The following HHLA1 variants were observed in gnomAD, a reference collection of about 807,000 sequenced individuals.
The protein encoded by HHLA1 is HHLA1 neighbor of OC90.
Under a neutral mutation model 69.9 loss-of-function variants are expected in HHLA1, and 72 were observed. The ratio of observed to expected loss-of-function variants is 1.03; its 90% CI spans 0.85 to 1.25. The LOEUF is 1.25. Among genes scored for constraint, HHLA1 ranks in the 50% most tolerant of loss-of-function variants. The pLI, the probability that HHLA1 is intolerant of heterozygous loss-of-function variation, is 0.00. For synonymous variants in HHLA1, 252 were observed against 233.2 expected (o/e 1.08, Z -0.73); for missense variants, 685 against 642.2 (o/e 1.07, Z -0.72).
rs866216853 is a variant in HHLA1 at position 132,087,595 on chromosome 8, C to T, written c.676+58G>A. The T allele has an allele frequency of 4.5e-6, 5 of 1,101,358 alleles. No individual in the cohort carries two copies. The African/African-American group carries it at 4.7e-5, about 10-fold the overall frequency. The allele number at this position is 1,101,358 out of a possible 1,614,324, so 68.2% of individuals were successfully genotyped here. A position where few individuals can be genotyped will look rare whatever the true frequency, so the allele number is the denominator to read the frequency against. Reference sequence around the variant, plus strand: ...AGGGCAGCTTTCAGTCATTAGTGTGCCAGGTGGGACCCTGGTCTGGAGAGT... The same window carrying T: ...AGGGCAGCTTTCAGTCATTAGTGTGTCAGGTGGGACCCTGGTCTGGAGAGT... On this transcript the variant is annotated intron_variant, in intron 10 of 16. Coordinates refer to ENST00000414222, the MANE Select transcript of HHLA1 (RefSeq NM_001145095.3).
intron 4 of HHLA1, among the ~76,000 whole-genome samples, chr8:132,099,391 ATTTTT>A (rs1282733836): frequency 6.6e-6 from 1 of 152,170 alleles, no homozygotes; most frequent in African/African-American, 2.4e-5. Flanking sequence ...GGAAATATAC[ATTTTT>A]TTAATTACAC....
At chr8:132,085,915 T>C (rs1380767310) in intron 10 of HHLA1, among the ~76,000 whole-genome samples, 7 of 151,956 alleles carry the variant, frequency 4.6e-5, no homozygotes, top group African/African-American at 1.7e-4. Context: ...ACTTCTTTTG[T>C]GATTCTTCAG....
At chr8:132,100,222 C>G in intron 3 of HHLA1, 88 bp from the exon 4 acceptor site, 1 of 920,572 alleles carries the variant, frequency 1.1e-6, no homozygotes, top group South Asian at 1.4e-5. Flanking sequence ...GCCTCTTTGG[C>G]CTCTGCTCTC....
At chr8:132,075,088 A>T (rs1586725271) in intron 14 of HHLA1, among the ~76,000 whole-genome samples, 1 of 152,348 alleles carries the variant, frequency 6.6e-6, no homozygotes, top group South Asian at 2.1e-4. Context: ...GTGTTTCTTT[A>T]GAACTCCTGG....
At chr8:132,097,217 G>T (rs1038297698) in intron 5 of HHLA1, among the ~76,000 whole-genome samples, 5 of 152,066 alleles carry the variant, frequency 3.3e-5, no homozygotes, top group Admixed American at 2.6e-4. Context: ...CAGTTTTTTT[G>T]ATGATAAAAA....
At position 132,079,805 on chromosome 8, in the gene HHLA1, C is replaced by T. The variant is rs1379289339; in HGVS notation, c.838G>A (p.Glu280Lys). Reference sequence around the variant, plus strand: ...GGAGGCCTGCCTGTGTTCAGGGTCTCCTCTGTTTCTGAAGGAGCAGCTGTC... The same window carrying T: ...GGAGGCCTGCCTGTGTTCAGGGTCTTCTCTGTTTCTGAAGGAGCAGCTGTC... ...TETAAPSETE[E>K]TLNTGRPPEL... is the part of the protein sequence containing the mutation. The change falls in exon 11 of 17, where the codon GAG becomes AAG. Residue 280 changes from glutamate (E) to lysine (K), a missense_variant. Transcript: ENST00000414222. The T allele has an allele frequency of 1.9e-6, 3 of 1,551,694 alleles. 1 individual carries two copies. In the South Asian group the frequency reaches 3.6e-5, roughly 18 times the overall value.
chr8:132,074,849 G>A (rs1006752299), intron 14 of HHLA1, among the ~76,000 whole-genome samples: 2 of 152,146 alleles, frequency 1.3e-5, no homozygotes, highest in African/African-American at 4.8e-5. Flanking sequence ...GATGACAGAT[G>A]AGTGGGTAGG....
chr8:132,105,385 A>G (rs1824187351), intron 1 of HHLA1, 99 bp from the exon 2 acceptor site: 9 of 806,862 alleles, frequency 1.1e-5, no homozygotes, highest in South Asian at 7.5e-5. Flanking sequence ...ACAATCTGAA[A>G]AAGGCTTTGT....
chr8:132,064,255 G>A (rs1823400605), intron 16 of HHLA1, among the ~76,000 whole-genome samples: 1 of 152,164 alleles, frequency 6.6e-6, no homozygotes, highest in South Asian at 2.1e-4. Flanking sequence ...GTCTAGTGAG[G>A]AGCAGCCCGT....
At chr8:132,080,011 T>TG in intron 10 of HHLA1, 45 bp from the exon 11 acceptor site, 1 of 1,551,760 alleles carries the variant, frequency 6.4e-7, no homozygotes, top group Non-Finnish European at 8.7e-7. Context: ...CTTGACACTT[T>TG]GGGCATAAAA....
chr8:132,079,982 C>A lies in HHLA1; in HGVS notation c.677-16G>T. The A allele has an allele frequency of 6.4e-7, 1 of 1,552,104 alleles. No individual in the cohort carries two copies. The highest frequency in any genetic ancestry group is 1.2e-5 in the South Asian group (1 of 83,930). On this transcript the variant is annotated splice_polypyrimidine_tract_variant and intron_variant, in intron 10 of 16. Transcript: ENST00000414222. ...GTAGCTGCACCTTCAGGGAGGCAGT[C>A]AATGGTAACATTAACATGCTTGACA...
At chr8:132,066,710 G>C (rs938686095) in intron 15 of HHLA1, among the ~76,000 whole-genome samples, 1 of 152,198 alleles carries the variant, frequency 6.6e-6, no homozygotes, top group African/African-American at 2.4e-5. Flanking sequence ...GCACACCCTA[G>C]AGAGTTGTGC....
chr8:132,077,677 C>A (rs753028362), intron 12 of HHLA1, 49 bp downstream of exon 12: 1 of 1,530,366 alleles, frequency 6.5e-7, no homozygotes, highest in Admixed American at 2.0e-5. Flanking sequence ...ACAGACAATG[C>A]TAAGTTTAAT....
In HHLA1 at chr8:132,067,853, G is replaced by A. The variant is rs75305674; in HGVS notation, c.1470-1885C>T. Among the ~76,000 whole-genome samples the A allele has an allele frequency of 8.5e-3, 1,299 of 152,326 alleles. 11 individuals are homozygous for A. The highest frequency in any genetic ancestry group is 0.014 in the Non-Finnish European group (940 of 68,028). The stretch of plus-strand genomic sequence containing the variant: ...GTAGATGAACAAACTGAGGTTCAGA[G>A]ATTGAATGACTAGCTCAAGACCACA... On this transcript the variant is annotated intron_variant, in intron 15 of 16. Transcript: ENST00000414222.
chr8:132,100,693 G>A (rs995138031), intron 3 of HHLA1, among the ~76,000 whole-genome samples: 3 of 152,186 alleles, frequency 2.0e-5, no homozygotes, highest in African/African-American at 7.2e-5. Flanking sequence ...GAATGAACCC[G>A]GTCTCCAGCT....
chr8:132,064,264 G>A (rs562354394), intron 16 of HHLA1, among the ~76,000 whole-genome samples: 44 of 152,190 alleles, frequency 2.9e-4, no homozygotes, highest in Non-Finnish European at 5.0e-4. Flanking sequence ...GGAGCAGCCC[G>A]TATTTCTCCA....
chr8:132,062,210 C>T lies in HHLA1; in HGVS notation c.*1785G>A, dbSNP rs1451010481. ...CCCAGAAAATTTGCTGTATCCTCTT[C>T]ATCTTTGCAAAAGTCATGATAATAT... On this transcript the variant is annotated 3_prime_UTR_variant, in exon 17 of 17. Coordinates refer to ENST00000414222, the MANE Select transcript of HHLA1 (RefSeq NM_001145095.3). 1 of 152,252 alleles carries T rather than the reference C, an allele frequency of 6.6e-6. No individual in the cohort carries two copies. Among genetic ancestry groups the T allele is most frequent in the African/African-American group, 2.4e-5 (1 of 41,466 alleles). 9.4% of individuals were successfully genotyped at this position (152,252 alleles called of 1,614,324 possible). A position where few individuals can be genotyped will look rare whatever the true frequency, so the allele number is the denominator to read the frequency against.
chr8:132,071,412 A>C lies in HHLA1; in HGVS notation c.1397T>G (p.Leu466Arg). 6.4e-7 allele frequency: 1 copy of C among 1,551,676 alleles called. No homozygotes were observed. Among genetic ancestry groups the C allele is most frequent in the Non-Finnish European group, 8.7e-7 (1 of 1,146,942 alleles). Reference sequence around the variant, plus strand: ...CTGGAAGAATTGGCACAGCTCCATCAGGCATGGGTTGAGCCTCTGAATAGC... The same window carrying C: ...CTGGAAGAATTGGCACAGCTCCATCCGGCATGGGTTGAGCCTCTGAATAGC... ...TLAIQRLNPC[L>R]MELCQFFQQC... is the part of the protein sequence containing the mutation. The change falls in exon 15 of 17, where the codon CTG becomes CGG. Residue 466 changes from leucine to arginine, a missense_variant. Transcript: ENST00000414222.
chr8:132,105,163 T>G, intron 2 of HHLA1, 24 bp downstream of exon 2: 1 of 1,523,772 alleles, frequency 6.6e-7, no homozygotes, highest in Non-Finnish European at 8.9e-7. Context: ...GAACAGACAC[T>G]TGCAGAACTC....
Sources: gnomAD v4.1 joint callset for allele counts (sites outside exome capture counted in the v4.1 genomes callset) on GRCh38, gnomAD v4.1.1 for gene constraint, MANE v1.5 for transcripts, NCBI Gene and HGNC (gene_info 2026-07-23, HGNC 2026-07-21) for gene names.